GALNT17: variants seen among roughly 807,000 people sequenced by gnomAD.
GALNT17 encodes the protein polypeptide N-acetylgalactosaminyltransferase 17.
In GALNT17, 29 loss-of-function variants were observed where a neutral mutation model predicts 63.7. That is an observed-to-expected ratio of 0.46 (90% CI 0.34 to 0.62). The LOEUF is 0.62. Ranked by LOEUF, GALNT17 falls within the 20% of genes least tolerant of loss-of-function variation. The pLI is 0.01. For missense variants in GALNT17, 603 were observed against 799.6 expected, an observed-to-expected ratio of 0.75 and a Z score of 2.97; for synonymous variants, 305 against 318.3, an observed-to-expected ratio of 0.96 and a Z score of 0.45.
At chr7:71,645,355 A>C (rs190960438) in intron 6 of GALNT17, among the ~76,000 whole-genome samples, 1 of 152,140 alleles carries the variant, frequency 6.6e-6, no homozygotes, top group Non-Finnish European at 1.5e-5. Flanking sequence ...AGTTTCCCCC[A>C]TGTTGTTATT....
In GALNT17 at chr7:71,145,287, G is replaced by A. The variant is rs1787996635; in HGVS notation, c.238+12247G>A. ...AGCAGTTAAGGGGAATTATAATCTT[G>A]TAATAGGATCGCAGCCTGGCAACAA... On this transcript the variant is annotated intron_variant, in intron 1 of 10. Transcript: ENST00000333538. Among the ~76,000 whole-genome samples, 3 of 152,226 alleles carry A rather than the reference G, an allele frequency of 2.0e-5. No homozygotes were observed. The South Asian group carries it at 6.2e-4, about 32-fold the overall frequency.
intron 5 of GALNT17, among the ~76,000 whole-genome samples, chr7:71,464,365 A>T (rs1272368052): frequency 6.6e-6 from 1 of 152,186 alleles, no homozygotes; most frequent in African/African-American, 2.4e-5. Flanking sequence ...AAGGCCTAGT[A>T]GATAAGTGGG....
chr7:71,410,211 C>T (rs532647760), intron 3 of GALNT17, among the ~76,000 whole-genome samples: 2 of 151,362 alleles, frequency 1.3e-5, no homozygotes, highest in African/African-American at 4.8e-5. Context: ...GTGCTGCACG[C>T]TTGGTTTATT....
chr7:71,194,880 T>C (rs1300068611), intron 1 of GALNT17, among the ~76,000 whole-genome samples: 2 of 152,162 alleles, frequency 1.3e-5, no homozygotes, highest in Non-Finnish European at 2.9e-5. Flanking sequence ...GCAAAGTCTT[T>C]AAGGAAATGG....
intron 5 of GALNT17, among the ~76,000 whole-genome samples, chr7:71,568,023 C>T (rs1789377696): frequency 6.6e-6 from 1 of 152,178 alleles, no homozygotes; most frequent in South Asian, 2.1e-4. Context: ...CACCCTTTGG[C>T]TCCAAAGAAT....
intron 2 of GALNT17, among the ~76,000 whole-genome samples, chr7:71,374,727 G>A (rs910787509): frequency 8.8e-5 from 13 of 147,672 alleles, no homozygotes; most frequent in African/African-American, 3.0e-4. Flanking sequence ...GGATGGGAAG[G>A]CATTTTAGAT....
chr7:71,294,409 C>CTTTTTTT (rs869086513), intron 1 of GALNT17, among the ~76,000 whole-genome samples: 19 of 91,916 alleles, frequency 2.1e-4, no homozygotes, highest in African/African-American at 5.1e-4. Flanking sequence ...CTCATAAGTC[C>CTTTTTTT]TTTTTTTTTT....
At chr7:71,257,202 A>G (rs956425240) in intron 1 of GALNT17, among the ~76,000 whole-genome samples, 5 of 152,148 alleles carry the variant, frequency 3.3e-5, no homozygotes, top group East Asian at 3.9e-4. Context: ...GGTGCAGGAC[A>G]CATCAGTTTA....
intron 5 of GALNT17, among the ~76,000 whole-genome samples, chr7:71,509,618 A>T (rs1011040625): frequency 2.0e-5 from 3 of 152,262 alleles, no homozygotes; most frequent in Non-Finnish European, 4.4e-5. Context: ...CACAGGAGCT[A>T]GGATTCAAAC....
intron 2 of GALNT17, among the ~76,000 whole-genome samples, chr7:71,370,935 G>T (rs772893187): frequency 1.3e-5 from 2 of 152,168 alleles, no homozygotes; most frequent in Non-Finnish European, 2.9e-5. Context: ...CAAGCATATC[G>T]TGGGATTGCT....
intron 1 of GALNT17, among the ~76,000 whole-genome samples, chr7:71,163,127 A>G (rs1788378214): frequency 6.6e-6 from 1 of 152,216 alleles, no homozygotes; most frequent in Non-Finnish European, 1.5e-5. Context: ...TATGAGGTAT[A>G]AGAGAAAGAG....
chr7:71,245,305 A>G (rs1790074117), intron 1 of GALNT17, among the ~76,000 whole-genome samples: 1 of 152,166 alleles, frequency 6.6e-6, no homozygotes, highest in African/African-American at 2.4e-5. Context: ...GAGTGTGCTA[A>G]AAAGAGAGAC....
intron 6 of GALNT17, among the ~76,000 whole-genome samples, chr7:71,662,842 T>C: frequency 6.6e-6 from 1 of 152,252 alleles, no homozygotes; most frequent in East Asian, 1.9e-4. Flanking sequence ...GTTTTATAGT[T>C]TTAGCTCTTA....
At chr7:71,408,284 ATATGTGC>A (rs1469130456) in intron 3 of GALNT17, among the ~76,000 whole-genome samples, 12 of 152,110 alleles carry the variant, frequency 7.9e-5, no homozygotes, top group Non-Finnish European at 1.6e-4. Context: ...GGAACGTGCC[ATATGTGC>A]TATGTTCTCG....
chr7:71,160,820 C>T (rs922640701), intron 1 of GALNT17, among the ~76,000 whole-genome samples: 7 of 152,086 alleles, frequency 4.6e-5, no homozygotes, highest in Admixed American at 1.3e-4. Context: ...CCAAAAGGTA[C>T]GGCCTTTTCA....
chr7:71,693,765 C>A (rs1791497699), intron 9 of GALNT17, among the ~76,000 whole-genome samples: 2 of 148,880 alleles, frequency 1.3e-5, no homozygotes, highest in African/African-American at 2.5e-5. Context: ...CCCCATGACA[C>A]AAGTTTACCT....
chr7:71,416,397 A>G (rs1483910250), intron 4 of GALNT17, among the ~76,000 whole-genome samples: 1 of 152,160 alleles, frequency 6.6e-6, no homozygotes, highest in Non-Finnish European at 1.5e-5. Flanking sequence ...GGATCATTTG[A>G]GGTCAGGAGT....
In GALNT17 at chr7:71,240,372, T is replaced by C. The variant is rs1456909772; in HGVS notation, c.239-95178T>C. On this transcript the variant is annotated intron_variant, in intron 1 of 10. Coordinates refer to ENST00000333538, the MANE Select transcript of GALNT17 (RefSeq NM_022479.3). ...GAGGTTTGGGCTTCAGGTGAACTCA[T>C]CACCTAGGTAGCACAGTATCCAGTA... 2.0e-5 allele frequency among the ~76,000 whole-genome samples: 3 copies of C among 152,248 alleles called. No individual in the cohort carries two copies. In the South Asian group the frequency reaches 6.2e-4, roughly 32 times the overall value.
intron 3 of GALNT17, 57 bp downstream of exon 3, chr7:71,388,458 T>A (rs1411750605): frequency 1.3e-6 from 2 of 1,569,698 alleles, no homozygotes; most frequent in Admixed American, 3.5e-5. Context: ...GAAATGCCAC[T>A]TTCATTCCAA....
Sources: allele counts gnomAD v4.1 joint callset (sites outside exome capture counted in the v4.1 genomes callset), GRCh38; gene constraint gnomAD v4.1.1; transcripts MANE v1.5; gene names NCBI Gene and HGNC (gene_info 2026-07-23, HGNC 2026-07-21).